WASF1: variants seen among roughly 807,000 people sequenced by gnomAD.
WASF1 encodes the protein actin-binding protein WASF1.
A neutral mutation model predicts 50.5 loss-of-function variants in WASF1; 7 were observed. The ratio of observed to expected loss-of-function variants is 0.14; its 90% confidence interval spans 0.08 to 0.26. The LOEUF (loss-of-function observed/expected upper bound fraction) is 0.26. Ranked by LOEUF, WASF1 falls within the 10% of genes least tolerant of loss-of-function variation. The pLI, the probability that WASF1 is intolerant of heterozygous loss-of-function variation, is 1.00. For missense variants in WASF1, 470 were observed against 694.7 expected, an observed-to-expected ratio of 0.68 and a Z score of 3.64; for synonymous variants, 205 against 244.0, an observed-to-expected ratio of 0.84 and a Z score of 1.49.
At chr6:110,117,418 G>T (rs1266847337) in intron 4 of WASF1, among the ~76,000 whole-genome samples, 1 of 152,086 alleles carries the variant, frequency 6.6e-6, no homozygotes, top group Non-Finnish European at 1.5e-5. Flanking sequence ...ATCAGTGATT[G>T]AAGATCAAAT....
At chr6:110,166,020 G>A (rs1177497107) in intron 2 of WASF1, among the ~76,000 whole-genome samples, 4 of 151,606 alleles carry the variant, frequency 2.6e-5, no homozygotes, top group African/African-American at 9.7e-5. Context: ...ATGCAGTAGG[G>A]CAAAGTTATA....
At chr6:110,170,072 G>A (rs1258107961) in intron 2 of WASF1, among the ~76,000 whole-genome samples, 2 of 152,076 alleles carry the variant, frequency 1.3e-5, no homozygotes, top group East Asian at 1.9e-4. Flanking sequence ...ACTTCTCCTC[G>A]GTAATCATAC....
At chr6:110,117,264 G>GA (rs1773855763) in intron 4 of WASF1, among the ~76,000 whole-genome samples, 1 of 152,048 alleles carries the variant, frequency 6.6e-6, no homozygotes, top group Non-Finnish European at 1.5e-5. Context: ...TAAAAACCTT[G>GA]AAAAAAGCTT....
At chr6:110,130,595 A>G (rs1774620394) in intron 3 of WASF1, among the ~76,000 whole-genome samples, 1 of 152,224 alleles carries the variant, frequency 6.6e-6, no homozygotes. Flanking sequence ...ATATGACAAC[A>G]CTACAATTTA....
intron 3 of WASF1, among the ~76,000 whole-genome samples, chr6:110,140,122 C>T (rs1008374285): frequency 1.3e-5 from 2 of 152,160 alleles, no homozygotes; most frequent in Non-Finnish European, 2.9e-5. Flanking sequence ...CCCTAACATC[C>T]AGGGAGCTGA....
chr6:110,118,347 C>CAAA (rs56948481), intron 4 of WASF1, among the ~76,000 whole-genome samples: 123 of 7,510 alleles, frequency 0.016, 8 homozygotes, highest in Admixed American at 0.027. Flanking sequence ...AAACGGAAAG[C>CAAA]AAAAAAAAAA....
chr6:110,109,680 T>C (rs146484690), intron 5 of WASF1, among the ~76,000 whole-genome samples: 570 of 151,786 alleles, frequency 3.8e-3, no homozygotes, highest in Non-Finnish European at 5.8e-3. Flanking sequence ...GCTTCCCAAG[T>C]AGCTGGGACT....
At chr6:110,142,246 C>T (rs1167909402) in intron 3 of WASF1, among the ~76,000 whole-genome samples, 3 of 152,144 alleles carry the variant, frequency 2.0e-5, no homozygotes, top group East Asian at 1.9e-4. Context: ...AAATCACACA[C>T]ATTTTGATGA....
intron 3 of WASF1, among the ~76,000 whole-genome samples, chr6:110,137,996 T>C (rs763267408): frequency 6.6e-6 from 1 of 152,246 alleles, no homozygotes; most frequent in Non-Finnish European, 1.5e-5. Context: ...TCAGGGCCAC[T>C]GGGCTTGTTC....
intron 9 of WASF1, 31 bp from the exon 10 acceptor site, chr6:110,102,247 T>C (rs368259464): frequency 8.8e-6 from 12 of 1,360,266 alleles, no homozygotes; most frequent in African/African-American, 3.0e-5. Context: ...TAGCAAGTTA[T>C]TAAAAGAGAA....
intron 4 of WASF1, among the ~76,000 whole-genome samples, chr6:110,116,889 AG>A (rs902180604): frequency 2.0e-5 from 3 of 152,194 alleles, no homozygotes; most frequent in Admixed American, 2.0e-4. Context: ...CCAGGCAAAC[AG>A]GGTCTGGAGT....
chr6:110,154,199 A>G (rs780387986), intron 3 of WASF1, among the ~76,000 whole-genome samples: 1 of 152,166 alleles, frequency 6.6e-6, no homozygotes, highest in African/African-American at 2.4e-5. Flanking sequence ...TTTCCAACAT[A>G]ATTCTCAATG....
chr6:110,124,223 T>TC (rs1774277705), intron 4 of WASF1, among the ~76,000 whole-genome samples: 1 of 69,992 alleles, frequency 1.4e-5, no homozygotes, highest in South Asian at 6.8e-4. Context: ...CTCTCCTCTC[T>TC]CTCCTCTCTC....
chr6:110,142,775 T>A (rs892228694), intron 3 of WASF1, among the ~76,000 whole-genome samples: 5 of 152,038 alleles, frequency 3.3e-5, no homozygotes, highest in Non-Finnish European at 7.4e-5. Context: ...ATGAACCAAT[T>A]ACATATAATT....
intron 5 of WASF1, among the ~76,000 whole-genome samples, chr6:110,112,894 C>CAAAAAAAAAAA (rs1229766023): frequency 1.3e-5 from 1 of 75,886 alleles, no homozygotes; most frequent in African/African-American, 4.1e-5. Flanking sequence ...GTGTCTGTCT[C>CAAAAAAAAAAA]AAAAAAAAAA....
intron 3 of WASF1, among the ~76,000 whole-genome samples, chr6:110,129,297 C>CA (rs1047656924): frequency 2.0e-5 from 3 of 151,290 alleles, no homozygotes; most frequent in Non-Finnish European, 4.4e-5. Context: ...AGAAGTGCAG[C>CA]AAAAAACAAA....
chr6:110,152,287 G>A lies in WASF1; in HGVS notation c.-29+8348C>T, dbSNP rs183985178. ...GGAGGGAACCTGAAAGCAGTTCTAG[G>A]AGCTAGAAACCTTTTTCTGACACCC... On this transcript the variant is annotated intron_variant, in intron 3 of 10. Transcript: ENST00000392589. Among the ~76,000 whole-genome samples the A allele has an allele frequency of 2.0e-4, 31 of 152,216 alleles. No individual in the cohort carries two copies. In the East Asian group the frequency reaches 5.8e-3, roughly 29 times the overall value.
Position 110,109,414 on chromosome 6 carries a change from A to G in WASF1, c.269-733T>C, listed in dbSNP as rs151149950. Among the ~76,000 whole-genome samples the G allele has an allele frequency of 5.8e-3, 882 of 152,290 alleles. 14 individuals carry two copies. The highest frequency in any genetic ancestry group is 0.033 in the Admixed American group (511 of 15,296). On this transcript the variant is annotated intron_variant, in intron 5 of 10. Transcript: ENST00000392589. ...AGCATGTTAAAATAAAAAACATACAAAAATGCTGCATTCTTAATTCTTACA... is the reference window on the plus strand; with the variant it reads ...AGCATGTTAAAATAAAAAACATACAGAAATGCTGCATTCTTAATTCTTACA...
intron 4 of WASF1, among the ~76,000 whole-genome samples, chr6:110,116,137 G>A (rs760106855): frequency 7.9e-5 from 12 of 152,204 alleles, no homozygotes; most frequent in Non-Finnish European, 1.3e-4. Flanking sequence ...GGTGATTTCT[G>A]CATTTCCAAC....
Sources: allele counts gnomAD v4.1 joint callset (sites outside exome capture counted in the v4.1 genomes callset), GRCh38; gene constraint gnomAD v4.1.1; transcripts MANE v1.5; gene names NCBI Gene and HGNC (gene_info 2026-07-23, HGNC 2026-07-21).